PNP: variants seen among roughly 807,000 people sequenced by gnomAD.
PNP encodes purine nucleoside phosphorylase, also known as HEL-S-156an.
Under a neutral mutation model 26.8 loss-of-function variants are expected in PNP, and 18 were observed. The observed-to-expected ratio is 0.67, with a 90% CI of 0.46 to 1.00. PNP has a LOEUF of 1.00. PNP is among the 50% of genes least tolerant of loss of function. PNP has a pLI of 0.00. For synonymous variants in PNP, 116 were observed against 124.8 expected, an observed-to-expected ratio of 0.93 and a Z score of 0.47; for missense variants, 320 against 362.9, an observed-to-expected ratio of 0.88 and a Z score of 0.96.
At chr14:20,469,878 C>G (rs1881949946) in intron 1 of PNP, 1 of 502,934 alleles carries the variant, frequency 2.0e-6, no homozygotes, top group African/African-American at 1.9e-5. Flanking sequence ...ATCCCTCACT[C>G]CATACCAGGA....
rs1462377387 is a variant in PNP, at chr14:20,472,345, C to A, written c.49C>A (p.Leu17Ile). 4.3e-6 allele frequency: 7 copies of A among 1,613,708 alleles called. No individual in the cohort carries two copies. Among genetic ancestry groups the A allele is most frequent in the Non-Finnish European group, 5.1e-6 (6 of 1,179,702 alleles). ...YEDYKNTAEW[L>I]LSHTKHRPQV... ...AGATTATAAGAACACTGCAGAATGG[C>A]TTCTGTCTCACACTAAGCACCGACC... Residue 17 changes from leucine (L) to isoleucine (I), a missense_variant, in exon 2 of 6, where the codon CTT becomes ATT. Coordinates refer to ENST00000361505, the MANE Select transcript of PNP (RefSeq NM_000270.4).
At chr14:20,471,112 C>T (rs965441697) in intron 1 of PNP, among the ~76,000 whole-genome samples, 1 of 151,452 alleles carries the variant, frequency 6.6e-6, no homozygotes, top group Non-Finnish European at 1.5e-5. Context: ...CTCACTGCAA[C>T]CTCTGCCTCC....
chr14:20,474,337 G>C, intron 2 of PNP, 135 bp from the exon 3 acceptor site: 2 of 758,818 alleles, frequency 2.6e-6, no homozygotes, highest in Admixed American at 4.2e-5. Flanking sequence ...TCTGAAAGCA[G>C]AGATAATAAT....
At chr14:20,474,648 A>G in intron 3 of PNP, 73 bp downstream of exon 3, 3 of 1,537,920 alleles carry the variant, frequency 2.0e-6, no homozygotes, top group Non-Finnish European at 2.7e-6. Flanking sequence ...TTCACTACCT[A>G]GCTATCTGGG....
At chr14:20,469,658 G>T in intron 1 of PNP, 123 bp downstream of exon 1, 1 of 1,280,526 alleles carries the variant, frequency 7.8e-7, no homozygotes, top group Non-Finnish European at 1.1e-6. Context: ...ATGCAGAGAG[G>T]CCTGGCACTG....
chr14:20,473,647 C>T (rs894545721), intron 2 of PNP: 1 of 152,232 alleles, frequency 6.6e-6, no homozygotes, highest in Non-Finnish European at 1.5e-5. Flanking sequence ...CTCACTGCAA[C>T]CTCCACCTCC....
In PNP at chr14:20,476,395, G is replaced by GT; in HGVS notation, c.665dup (p.Pro223ThrfsTer21). 1 of 1,613,502 alleles carries GT rather than the reference G, an allele frequency of 6.2e-7. No individual in the cohort carries two copies. Among genetic ancestry groups the GT allele is most frequent in the Non-Finnish European group, 8.5e-7 (1 of 1,179,490 alleles). On this transcript the variant is annotated frameshift_variant, in exon 6 of 6. Coordinates refer to ENST00000361505, the MANE Select transcript of PNP (RefSeq NM_000270.4). LOFTEE classifies it high-confidence loss of function. ...TTTCTCACTATCAGGCATGAGTACAGTACCAGAAGTTATCGTTGCACGGCA... is the reference window on the plus strand; with the variant it reads ...TTTCTCACTATCAGGCATGAGTACAGTTACCAGAAGTTATCGTTGCACGGCA...
chr14:20,472,776 C>T (rs1882015159), intron 2 of PNP: 2 of 367,788 alleles, frequency 5.4e-6, no homozygotes, highest in Non-Finnish European at 9.9e-6. Context: ...CGTAATTTCT[C>T]AAATAACTAA....
Position 20,476,685 on chromosome 14 carries a change from T to G in PNP, c.*84T>G, listed in dbSNP as rs1882122183. The G allele has an allele frequency of 9.5e-7, 1 of 1,057,072 alleles. No individual in the cohort carries two copies. The highest frequency in any genetic ancestry group is 1.5e-6 in the Non-Finnish European group (1 of 682,062). 65.5% of individuals were successfully genotyped at this position (1,057,072 alleles called of 1,614,324 possible). A position where few individuals can be genotyped will look rare whatever the true frequency, so the allele number is the denominator to read the frequency against. On this transcript the variant is annotated 3_prime_UTR_variant, in exon 6 of 6. Coordinates refer to ENST00000361505, the MANE Select transcript of PNP (RefSeq NM_000270.4). ...TGGCCCCTTGCTGGAGTCATGTGCC[T>G]CTGTCCTTAGGTTGTAGCAGAAAGG...
Position 20,472,426 on chromosome 14 carries a change from C to G in PNP, c.130C>G (p.Gln44Glu). 1 of 1,614,126 alleles carries G rather than the reference C, an allele frequency of 6.2e-7. No individual in the cohort carries two copies. Among genetic ancestry groups the G allele is most frequent in the Non-Finnish European group, 8.5e-7 (1 of 1,179,958 alleles). The change falls in exon 2 of 6, where the codon CAG (glutamine) becomes GAG (glutamate). Residue 44 changes from glutamine to glutamate, a missense_variant. Gln to Glu is a conservative substitution (Grantham distance 29, BLOSUM62 2). Coordinates refer to ENST00000361505, the MANE Select transcript of PNP (RefSeq NM_000270.4). The part of the protein sequence containing the change: ...GLGGLTDKLT[Q>E]AQIFDYGEIP... ...AGGAGGTCTGACTGATAAATTAACT[C>G]AGGCCCAGATCTTTGACTACGGTGA...
At chr14:20,471,106 C>G (rs1019613751) in intron 1 of PNP, among the ~76,000 whole-genome samples, 30 of 151,548 alleles carry the variant, frequency 2.0e-4, no homozygotes, top group Non-Finnish European at 1.2e-4. Flanking sequence ...TCTTGGCTCA[C>G]TGCAACCTCT....
intron 2 of PNP, 174 bp from the exon 3 acceptor site, chr14:20,474,298 T>C: frequency 1.6e-6 from 1 of 622,870 alleles, no homozygotes; most frequent in Non-Finnish European, 2.9e-6. Flanking sequence ...TTATTAGTAA[T>C]GCCTGGCTCT....
intron 2 of PNP, chr14:20,474,172 G>T: frequency 2.8e-6 from 1 of 356,068 alleles, no homozygotes. Flanking sequence ...TTACTCTCTG[G>T]CAGTATGGCT....
chr14:20,471,902 C>G (rs1173060638), intron 1 of PNP, among the ~76,000 whole-genome samples: 1 of 152,140 alleles, frequency 6.6e-6, no homozygotes, highest in East Asian at 1.9e-4. Flanking sequence ...TCTTGGGCTC[C>G]CTCCTGGCCA....
At chr14:20,474,399 C>G (rs773051027) in intron 2 of PNP, 73 bp from the exon 3 acceptor site, 3 of 1,225,122 alleles carry the variant, frequency 2.4e-6, no homozygotes, top group Non-Finnish European at 3.6e-6. Flanking sequence ...GAGTAACTCA[C>G]AGTAGGTGCT....
chr14:20,472,519 C>T (rs1421003439), intron 2 of PNP, 42 bp downstream of exon 2: 12 of 1,582,358 alleles, frequency 7.6e-6, no homozygotes, highest in Non-Finnish European at 1.0e-5. Context: ...GAGGGATGTT[C>T]TTGGAATTCT....
In PNP at chr14:20,476,952, C is replaced by A. The variant is rs949102483; in HGVS notation, c.*351C>A. On this transcript the variant is annotated 3_prime_UTR_variant, in exon 6 of 6. Transcript: ENST00000361505. ...AACTTTGCATAGCAGCTGCTACTAG[C>A]TCTTTGAGATAATACATTCCGAGGG... 2.7e-5 allele frequency: 10 copies of A among 373,874 alleles called. No homozygotes were observed. Among genetic ancestry groups the A allele is most frequent in the African/African-American group, 2.1e-4 (10 of 47,834 alleles). 23.2% of individuals were successfully genotyped at this position (373,874 alleles called of 1,614,324 possible). A position where few individuals can be genotyped will look rare whatever the true frequency, so the allele number is the denominator to read the frequency against.
intron 2 of PNP, chr14:20,474,194 G>T: frequency 2.5e-6 from 1 of 395,244 alleles, no homozygotes; most frequent in South Asian, 2.3e-5. Flanking sequence ...GTATTATCTT[G>T]AAATTTCTTT....
chr14:20,472,541 C>A (rs1304346427), intron 2 of PNP, 64 bp downstream of exon 2: 5 of 1,451,596 alleles, frequency 3.4e-6, no homozygotes, highest in Middle Eastern at 1.7e-4. Context: ...TGGAACACAA[C>A]CAAGGAGGCC....
Sources: gnomAD v4.1 joint callset for allele counts (sites outside exome capture counted in the v4.1 genomes callset) on GRCh38, gnomAD v4.1.1 for gene constraint, MANE v1.5 for transcripts, NCBI Gene and HGNC (gene_info 2026-07-23, HGNC 2026-07-21) for gene names.